The following DYNLRB2 variants were observed in gnomAD, a reference collection of about 807,000 sequenced individuals.
DYNLRB2 encodes the protein dynein light chain roadblock-type 2, also known as bithoraxoid-like protein.
Under a neutral mutation model 12.6 loss-of-function variants are expected in DYNLRB2, and 14 were observed. The observed-to-expected ratio is 1.11, with a 90% CI of 0.73 to 1.73. The LOEUF (loss-of-function observed/expected upper bound fraction) is 1.73. Ranked by LOEUF, DYNLRB2 falls within the 40% of genes most tolerant of loss-of-function variation. The pLI is 0.00. For synonymous variants in DYNLRB2, 53 were observed against 37.0 expected (o/e 1.43, Z -1.57); for missense variants, 142 against 117.7 (o/e 1.21, Z -0.95).
chr16:80,545,251 G>T (rs1457779109), intron 2 of DYNLRB2, among the ~76,000 whole-genome samples: 2 of 151,960 alleles, frequency 1.3e-5, no homozygotes, highest in Non-Finnish European at 2.9e-5. Flanking sequence ...AAAATATCTA[G>T]GTATGAGGAT....
chr16:80,541,122 G>C (rs770428374), intron 1 of DYNLRB2, 43 bp downstream of exon 1: 1 of 1,601,398 alleles, frequency 6.2e-7, no homozygotes, highest in Admixed American at 1.7e-5. Flanking sequence ...TTCCAAGCAC[G>C]CCGACCGTCA....
chr16:80,541,355 A>T (rs1904286593), intron 1 of DYNLRB2: 2 of 984,482 alleles, frequency 2.0e-6, no homozygotes, highest in African/African-American at 3.5e-5. Context: ...GATTCAGAGG[A>T]TGAAGAATGC....
chr16:80,547,507 T>TTA (rs1904549987), intron 2 of DYNLRB2, among the ~76,000 whole-genome samples: 1 of 9,700 alleles, frequency 1.0e-4, no homozygotes, highest in Non-Finnish European at 9.4e-3. Flanking sequence ...CCGTGCACAC[T>TTA]TATTCAAAAA....
At chr16:80,545,666 C>CTTTTTTTTTTTTTTTTTTTTTTT (rs775659372) in intron 2 of DYNLRB2, among the ~76,000 whole-genome samples, 2 of 74,916 alleles carry the variant, frequency 2.7e-5, no homozygotes, top group African/African-American at 4.6e-5. Context: ...CCATTAGCTT[C>CTTTTTTTTTTTTTTTTTTTTTTT]TTTTTTTTTT....
At chr16:80,550,270 G>A (rs1442507552) in intron 3 of DYNLRB2, among the ~76,000 whole-genome samples, 1 of 152,152 alleles carries the variant, frequency 6.6e-6, no homozygotes. Flanking sequence ...TCACTTGGAG[G>A]ACATTTTAAA....
rs184704628 is a variant in DYNLRB2 at position 80,550,393 on chromosome 16, G to A, written c.248-122G>A. On this transcript the variant is annotated intron_variant, in intron 3 of 3. Coordinates refer to ENST00000305904, the MANE Select transcript of DYNLRB2 (RefSeq NM_130897.3). ...CAGGTAATTCATACGTGCAGATAGG[G>A]TGGGAAACCATCTGTCTGCACAAGG... 96 of 1,093,860 alleles carry A rather than the reference G, an allele frequency of 8.8e-5. No individual in the cohort carries two copies. The East Asian group carries it at 1.7e-3, about 20-fold the overall frequency. The allele number at this position is 1,093,860 out of a possible 1,614,324, so 67.8% of individuals were successfully genotyped here.
At chr16:80,545,206 T>G (rs1567517021) in intron 2 of DYNLRB2, among the ~76,000 whole-genome samples, 1 of 152,276 alleles carries the variant, frequency 6.6e-6, no homozygotes, top group East Asian at 1.9e-4. Flanking sequence ...ATCTATAATT[T>G]TACTCCTAGC....
At chr16:80,541,738 G>T (rs1041347881) in intron 1 of DYNLRB2, among the ~76,000 whole-genome samples, 2 of 152,040 alleles carry the variant, frequency 1.3e-5, no homozygotes, top group African/African-American at 4.8e-5. Flanking sequence ...AAATGGAAAG[G>T]CCAGGGAAAG....
chr16:80,541,576 C>T (rs7184570), intron 1 of DYNLRB2, among the ~76,000 whole-genome samples: 1 of 105,680 alleles, frequency 9.5e-6, no homozygotes, highest in Non-Finnish European at 1.8e-5. Context: ...CCGCCCCCCT[C>T]CCCCCCAGAA....
At position 80,549,514 on chromosome 16, in the gene DYNLRB2, C is replaced by T; in HGVS notation, c.110C>T (p.Ser37Leu). 6.2e-7 allele frequency: 1 copy of T among 1,612,066 alleles called. No homozygotes were observed. Among genetic ancestry groups the T allele is most frequent in the Non-Finnish European group, 8.5e-7 (1 of 1,178,654 alleles). ...CCCATCCGAACAACCTTGGACAACT[C>T]AACAACTGTTCAATATGCAGGCCTT... is the stretch of plus-strand genomic sequence containing the variant. ...GIPIRTTLDN[S>L]TTVQYAGLLH... The change falls in exon 3 of 4, where the codon TCA becomes TTA. Residue 37 changes from serine (S) to leucine (L), a missense_variant. Physicochemically the swap from Ser to Leu is moderately radical, Grantham distance 145. Transcript: ENST00000305904.
chr16:80,546,158 G>A (rs12445721), intron 2 of DYNLRB2, among the ~76,000 whole-genome samples: 152,042 of 152,350 alleles, frequency 1, 75,867 homozygotes, highest in Middle Eastern at 1. Context: ...TATAACAAGG[G>A]TGTTTATTAA....
intron 1 of DYNLRB2, among the ~76,000 whole-genome samples, chr16:80,542,775 A>C (rs1904299363): frequency 6.6e-6 from 1 of 152,212 alleles, no homozygotes. Flanking sequence ...CTATCCTTTA[A>C]ATTTAATCAT....
intron 1 of DYNLRB2, 104 bp downstream of exon 1, chr16:80,541,183 G>A: frequency 6.8e-7 from 1 of 1,474,790 alleles, no homozygotes; most frequent in Non-Finnish European, 9.0e-7. Context: ...GGCGGTCCAG[G>A]GGCCGCGGCG....
chr16:80,548,161 C>A, intron 2 of DYNLRB2: 1 of 164,074 alleles, frequency 6.1e-6, no homozygotes, highest in Non-Finnish European at 1.3e-5. Flanking sequence ...GATAGCAATT[C>A]CAAATTCACC....
chr16:80,546,333 G>A (rs529105484), intron 2 of DYNLRB2, among the ~76,000 whole-genome samples: 2 of 152,186 alleles, frequency 1.3e-5, no homozygotes, highest in African/African-American at 4.8e-5. Context: ...CTAAGATGGT[G>A]TTTTATGTAT....
chr16:80,547,423 G>A (rs1430170028), intron 2 of DYNLRB2, among the ~76,000 whole-genome samples: 2 of 152,116 alleles, frequency 1.3e-5, no homozygotes, highest in Non-Finnish European at 2.9e-5. Context: ...TGCCAAGCAA[G>A]AGTTCAATAA....
intron 2 of DYNLRB2, among the ~76,000 whole-genome samples, chr16:80,545,403 G>A (rs4273048): frequency 0.98 from 149,520 of 152,250 alleles, 73,473 homozygotes; most frequent in Middle Eastern, 1. Flanking sequence ...GTTGAAGACT[G>A]TTTAGTGTCT....
chr16:80,541,104 C>G, intron 1 of DYNLRB2, 25 bp downstream of exon 1: 1 of 1,605,656 alleles, frequency 6.2e-7, no homozygotes. Context: ...TCCGTCCACG[C>G]CCCGCCGTTC....
At position 80,541,037 on chromosome 16, in the gene DYNLRB2, T is replaced by C. The variant is rs751083610; in HGVS notation, c.-40T>C. The C allele has an allele frequency of 6.2e-7, 1 of 1,603,716 alleles. No individual in the cohort carries two copies. The highest frequency in any genetic ancestry group is 2.2e-5 in the East Asian group (1 of 44,706). ...TAGCGTTGTTGACATCCCGGGAGGC[T>C]GTGCCGCCGGCCTGAGCCCAGAGTT... On this transcript the variant is annotated 5_prime_UTR_variant, in exon 1 of 4. Transcript: ENST00000305904.
Sources: gnomAD v4.1 joint callset for allele counts (sites outside exome capture counted in the v4.1 genomes callset) on GRCh38, gnomAD v4.1.1 for gene constraint, MANE v1.5 for transcripts, NCBI Gene and HGNC (gene_info 2026-07-23, HGNC 2026-07-21) for gene names.